The following TENM3 variants were observed in gnomAD, a reference collection of about 807,000 sequenced individuals.
The protein encoded by TENM3 is teneurin-3.
TENM3 carries 63 observed loss-of-function variants against 255.1 expected under a neutral mutation model. The ratio of observed to expected loss-of-function variants is 0.25; its 90% CI spans 0.20 to 0.30. The LOEUF is 0.30. Ranked by LOEUF, TENM3 falls within the 10% of genes least tolerant of loss-of-function variation. The pLI is 1.00. For synonymous variants in TENM3, 1,306 were observed against 1,322.3 expected (o/e 0.99, Z 0.27); for missense variants, 2,929 against 3,461.1 (o/e 0.85, Z 3.86).
At chr4:181,818,990 C>T in the TENM3 span, among the ~76,000 whole-genome samples, 1 of 152,172 alleles carries the variant, frequency 6.6e-6, no homozygotes, top group East Asian at 1.9e-4. Context: ...AAGACCATGA[C>T]CATGGTTAGG....
At chr4:182,724,084 CA>C (rs1272569959) in intron 13 of TENM3, among the ~76,000 whole-genome samples, 1 of 152,160 alleles carries the variant, frequency 6.6e-6, no homozygotes, top group African/African-American at 2.4e-5. Context: ...ACGTAGACTG[CA>C]AAGCCTAAAC....
At chr4:181,770,695 A>G in the TENM3 span, among the ~76,000 whole-genome samples, 33 of 151,146 alleles carry the variant, frequency 2.2e-4, 2 homozygotes, top group South Asian at 6.5e-3. Context: ...AAAAAAAAAA[A>G]AAGAGTGAGG....
the TENM3 span, among the ~76,000 whole-genome samples, chr4:182,024,289 C>T: frequency 1.3e-5 from 2 of 152,120 alleles, no homozygotes; most frequent in African/African-American, 4.8e-5. Flanking sequence ...ACACTAAATA[C>T]ACCCATCCAG....
the TENM3 span, among the ~76,000 whole-genome samples, chr4:182,023,592 T>C: frequency 1.3e-5 from 2 of 152,216 alleles, no homozygotes; most frequent in Admixed American, 6.5e-5. Context: ...AGCTGAAGTG[T>C]ACGCCACTGA....
the TENM3 span, among the ~76,000 whole-genome samples, chr4:181,834,498 C>T: frequency 6.6e-6 from 1 of 152,188 alleles, no homozygotes; most frequent in Non-Finnish European, 1.5e-5. Flanking sequence ...TGTCTGGGCT[C>T]ATAGGCGCCA....
At chr4:181,885,616 G>A in the TENM3 span, among the ~76,000 whole-genome samples, 1 of 151,928 alleles carries the variant, frequency 6.6e-6, no homozygotes, top group South Asian at 2.1e-4. Flanking sequence ...ACCTCTACTT[G>A]AGCATGAAAA....
At chr4:182,114,111 A>C in the TENM3 span, among the ~76,000 whole-genome samples, 1 of 152,184 alleles carries the variant, frequency 6.6e-6, no homozygotes, top group Non-Finnish European at 1.5e-5. Flanking sequence ...CCTCATTTCA[A>C]TAGGAAGACT....
chr4:181,755,287 CTTT>C, the TENM3 span, among the ~76,000 whole-genome samples: 5 of 152,042 alleles, frequency 3.3e-5, no homozygotes, highest in Non-Finnish European at 7.4e-5. Flanking sequence ...GTCGATTTTT[CTTT>C]ATTATTTCCA....
chr4:182,422,356 C>T (rs1770900506), intron 3 of TENM3, among the ~76,000 whole-genome samples: 4 of 152,088 alleles, frequency 2.6e-5, no homozygotes, highest in Non-Finnish European at 1.5e-5. Context: ...ACATGGAAGG[C>T]GTAACCGCGT....
chr4:182,214,512 G>GTATTTATTTATTTATTTATTTATTTATT (rs56013840), intron 1 of TENM3, among the ~76,000 whole-genome samples: 1 of 147,166 alleles, frequency 6.8e-6, no homozygotes, highest in African/African-American at 2.5e-5. Flanking sequence ...TCTATTTATT[G>GTATTTATTTATTTATTTATTTATTTATT]TATTTATTTA....
At chr4:181,710,954 T>C in the TENM3 span, among the ~76,000 whole-genome samples, 1 of 152,086 alleles carries the variant, frequency 6.6e-6, no homozygotes, top group South Asian at 2.1e-4. Context: ...TGATTCTAAT[T>C]GGCAATCAGA....
intron 1 of TENM3, among the ~76,000 whole-genome samples, chr4:182,301,408 TC>T: frequency 6.6e-6 from 1 of 152,178 alleles, no homozygotes; most frequent in Non-Finnish European, 1.5e-5. Context: ...ATCCACTTCC[TC>T]CCCCCATTCA....
intron 3 of TENM3, among the ~76,000 whole-genome samples, chr4:182,437,579 C>T (rs55677245): frequency 4.9e-4 from 75 of 152,032 alleles, no homozygotes; most frequent in African/African-American, 1.6e-3. Flanking sequence ...GCAGATCACT[C>T]GAGGTCAAGA....
At chr4:181,591,150 G>A in the TENM3 span, among the ~76,000 whole-genome samples, 2 of 152,140 alleles carry the variant, frequency 1.3e-5, no homozygotes, top group African/African-American at 4.8e-5. Context: ...ATCAAAACAT[G>A]AAACTAAAAC....
intron 5 of TENM3, among the ~76,000 whole-genome samples, chr4:182,638,444 C>T (rs1485301800): frequency 6.6e-6 from 1 of 152,072 alleles, no homozygotes; most frequent in East Asian, 1.9e-4. Context: ...GTCTCATTTT[C>T]ATGATTGAGT....
At chr4:182,376,811 G>A (rs1019502684) in intron 3 of TENM3, among the ~76,000 whole-genome samples, 33 of 151,662 alleles carry the variant, frequency 2.2e-4, no homozygotes, top group Admixed American at 2.0e-4. Flanking sequence ...TGAATCAGAT[G>A]TTATCTTGAT....
At chr4:182,130,877 C>A in the TENM3 span, among the ~76,000 whole-genome samples, 26,324 of 151,806 alleles carry the variant, frequency 0.17, 2,315 homozygotes, top group Non-Finnish European at 0.19. Flanking sequence ...AAACTCTAAC[C>A]CTCTAAAGTT....
At chr4:181,526,811 T>G in the TENM3 span, among the ~76,000 whole-genome samples, 8 of 152,222 alleles carry the variant, frequency 5.3e-5, no homozygotes, top group Non-Finnish European at 4.4e-5. Context: ...TAAATTTCTC[T>G]CCAGAATGTG....
At chr4:182,448,602 G>A (rs1357537494) in intron 3 of TENM3, among the ~76,000 whole-genome samples, 1 of 152,138 alleles carries the variant, frequency 6.6e-6, no homozygotes, top group Non-Finnish European at 1.5e-5. Context: ...GCTCTGAGGC[G>A]GGATCAAAAG....
Sources: gnomAD v4.1 joint callset for allele counts (sites outside exome capture counted in the v4.1 genomes callset) on GRCh38, gnomAD v4.1.1 for gene constraint, MANE v1.5 for transcripts, NCBI Gene and HGNC (gene_info 2026-07-23, HGNC 2026-07-21) for gene names.